The following CSMD1 variants were observed in gnomAD, a reference collection of about 807,000 sequenced individuals.
The protein encoded by CSMD1 is CUB and Sushi multiple domains 1.
A neutral mutation model predicts 417.5 loss-of-function variants in CSMD1; 213 were observed. That is an observed-to-expected ratio of 0.51 (90% CI 0.46 to 0.57). CSMD1 has a LOEUF of 0.57. Among genes scored for constraint, CSMD1 ranks in the 20% least tolerant of loss-of-function variants. The pLI is 0.00. For missense variants in CSMD1, 6,923 were observed against 4,529.7 expected, an observed-to-expected ratio of 1.53 and a Z score of -15.17; for synonymous variants, 2,862 against 1,736.8, an observed-to-expected ratio of 1.65 and a Z score of -16.11.
intron 3 of CSMD1, among the ~76,000 whole-genome samples, chr8:4,316,419 T>A (rs973911947): frequency 1.3e-5 from 2 of 152,212 alleles, no homozygotes; most frequent in African/African-American, 4.8e-5. Flanking sequence ...AATTTCTTCA[T>A]ATATTAGGTT....
intron 1 of CSMD1, among the ~76,000 whole-genome samples, chr8:4,646,984 G>A (rs1803557955): frequency 1.3e-5 from 2 of 152,120 alleles, no homozygotes; most frequent in Non-Finnish European, 2.9e-5. Context: ...CCGGGATGTG[G>A]ACCTAGTCAT....
intron 5 of CSMD1, among the ~76,000 whole-genome samples, chr8:3,759,015 G>A (rs930425414): frequency 2.3e-4 from 35 of 152,170 alleles, no homozygotes; most frequent in African/African-American, 7.7e-4. Context: ...AACTGGAAAC[G>A]CAAACAAACG....
At chr8:3,507,200 A>T (rs1464503447) in intron 10 of CSMD1, among the ~76,000 whole-genome samples, 1 of 152,176 alleles carries the variant, frequency 6.6e-6, no homozygotes, top group Non-Finnish European at 1.5e-5. Context: ...ATCATCATGA[A>T]ATCTATTTTG....
chr8:3,978,280 C>A (rs1320571051), intron 5 of CSMD1, among the ~76,000 whole-genome samples: 2 of 152,144 alleles, frequency 1.3e-5, no homozygotes, highest in Non-Finnish European at 1.5e-5. Flanking sequence ...CCTCAGTCAC[C>A]CCTGTAACCA....
intron 3 of CSMD1, among the ~76,000 whole-genome samples, chr8:4,342,350 T>C (rs956567549): frequency 3.9e-5 from 6 of 152,096 alleles, no homozygotes; most frequent in African/African-American, 1.2e-4. Context: ...CAGAAAAATA[T>C]GTGTATACAT....
intron 3 of CSMD1, among the ~76,000 whole-genome samples, chr8:4,277,157 C>A (rs1026489342): frequency 1.1e-4 from 16 of 151,550 alleles, no homozygotes; most frequent in Non-Finnish European, 1.5e-5. Flanking sequence ...ATAGTTTAAT[C>A]CAACACTATA....
chr8:4,337,832 A>T (rs1271605512), intron 3 of CSMD1, among the ~76,000 whole-genome samples: 1 of 152,170 alleles, frequency 6.6e-6, no homozygotes, highest in African/African-American at 2.4e-5. Context: ...GGTAATTATA[A>T]AACTTCTTGT....
intron 2 of CSMD1, among the ~76,000 whole-genome samples, chr8:4,549,602 T>C (rs556809089): frequency 6.6e-6 from 1 of 152,080 alleles, no homozygotes; most frequent in East Asian, 1.9e-4. Flanking sequence ...AACAAAGACA[T>C]GAATGGCCGG....
At chr8:4,332,430 T>C (rs978827712) in intron 3 of CSMD1, among the ~76,000 whole-genome samples, 1 of 152,022 alleles carries the variant, frequency 6.6e-6, no homozygotes, top group African/African-American at 2.4e-5. Context: ...CACCTGTGAG[T>C]AAGCACTGAG....
chr8:4,554,947 A>G (rs543745919), intron 2 of CSMD1, among the ~76,000 whole-genome samples: 1 of 152,270 alleles, frequency 6.6e-6, no homozygotes, highest in South Asian at 2.1e-4. Context: ...TGTGGGATGG[A>G]GTAAGCCAAG....
At chr8:3,788,433 G>C (rs541037986) in intron 5 of CSMD1, among the ~76,000 whole-genome samples, 2 of 152,250 alleles carry the variant, frequency 1.3e-5, no homozygotes, top group East Asian at 1.9e-4. Context: ...CCCAACAGAA[G>C]AACCAGCTGA....
At chr8:4,033,011 C>G (rs952614725) in intron 3 of CSMD1, among the ~76,000 whole-genome samples, 5 of 150,230 alleles carry the variant, frequency 3.3e-5, no homozygotes, top group African/African-American at 1.2e-4. Context: ...TACCTGGAGG[C>G]TTTGTATGCA....
intron 47 of CSMD1, among the ~76,000 whole-genome samples, chr8:3,092,614 CCTGT>C (rs1815019313): frequency 6.6e-6 from 1 of 152,258 alleles, no homozygotes; most frequent in South Asian, 2.1e-4. Context: ...TCATTTTTCA[CCTGT>C]CTATGGTATT....
chr8:2,957,891 A>T, intron 62 of CSMD1, 84 bp from the exon 63 acceptor site: 1 of 923,958 alleles, frequency 1.1e-6, no homozygotes, highest in Non-Finnish European at 1.7e-6. Flanking sequence ...TACACGCCCG[A>T]GTAAAAGTAC....
chr8:2,941,596 GC>G (rs1801878315), intron 69 of CSMD1, among the ~76,000 whole-genome samples: 2 of 152,210 alleles, frequency 1.3e-5, no homozygotes, highest in African/African-American at 4.8e-5. Context: ...TTTTCTTCTG[GC>G]ATCCACATTA....
At chr8:3,197,716 G>A (rs1243262482) in intron 33 of CSMD1, among the ~76,000 whole-genome samples, 15 of 151,938 alleles carry the variant, frequency 9.9e-5, no homozygotes, top group African/African-American at 1.7e-4. Flanking sequence ...CGCCCGCCTC[G>A]GCCTCCCAAA....
chr8:3,978,916 G>A (rs185340076), intron 5 of CSMD1, among the ~76,000 whole-genome samples: 192 of 152,274 alleles, frequency 1.3e-3, no homozygotes, highest in Admixed American at 2.6e-3. Context: ...AGGAATTAGC[G>A]TCCTAATGTG....
At chr8:4,255,989 C>A (rs1803430518) in intron 3 of CSMD1, among the ~76,000 whole-genome samples, 3 of 152,134 alleles carry the variant, frequency 2.0e-5, no homozygotes, top group Non-Finnish European at 4.4e-5. Context: ...CGACTACGTG[C>A]AGGGTAGAGA....
chr8:4,686,639 T>C (rs1584945017), intron 1 of CSMD1, among the ~76,000 whole-genome samples: 1 of 152,208 alleles, frequency 6.6e-6, no homozygotes, highest in Non-Finnish European at 1.5e-5. Context: ...AAGCCATAAG[T>C]GAAATATACA....
Sources: allele counts gnomAD v4.1 joint callset (sites outside exome capture counted in the v4.1 genomes callset), GRCh38; gene constraint gnomAD v4.1.1; transcripts MANE v1.5; gene names NCBI Gene and HGNC (gene_info 2026-07-23, HGNC 2026-07-21).